TRIM7: variants seen among roughly 807,000 people sequenced by gnomAD.
TRIM7 encodes the protein E3 ubiquitin-protein ligase TRIM7.
In TRIM7, 32 loss-of-function variants were observed where a neutral mutation model predicts 37.9. That is an observed-to-expected ratio of 0.84 (90% CI 0.64 to 1.13). The LOEUF is 1.13. Ranked by LOEUF, TRIM7 falls within the 50% of genes most tolerant of loss-of-function variation. The pLI is 0.00. For missense variants in TRIM7, 732 were observed against 714.0 expected, an observed-to-expected ratio of 1.03 and a Z score of -0.29; for synonymous variants, 351 against 321.3, an observed-to-expected ratio of 1.09 and a Z score of -0.99.
At position 181,195,618 on chromosome 5, in the gene TRIM7, T is replaced by C; in HGVS notation, c.1084A>G (p.Lys362Glu). Residue 362 changes from lysine to glutamate, a missense_variant, in exon 7 of 7, where the codon AAG becomes GAG. Physicochemically the swap from Lys to Glu is moderately conservative, Grantham distance 56. Coordinates refer to ENST00000274773, the MANE Select transcript of TRIM7 (RefSeq NM_203293.3). Reference protein sequence around the residue: ...NPRLILSLDLKGVRLGERAQD... With the variant: ...NPRLILSLDLEGVRLGERAQD... ...GCCCGCTCGCCGAGGCGCACGCCCT[T>C]AAGATCCAGAGAGAGGATGAGGCGC... 6.4e-7 allele frequency: 1 copy of C among 1,569,434 alleles called. No individual in the cohort carries two copies. The highest frequency in any genetic ancestry group is 8.7e-7 in the Non-Finnish European group (1 of 1,154,336).
chr5:181,203,963 A>T, intron 1 of TRIM7: 1 of 1,104,174 alleles, frequency 9.1e-7, no homozygotes, highest in African/African-American at 1.6e-5. Flanking sequence ...TGGGCCAGCA[A>T]GGAGAGACTG....
At chr5:181,201,164 T>A (rs1757461802) in intron 2 of TRIM7, 1 of 154,024 alleles carries the variant, frequency 6.5e-6, no homozygotes. Context: ...GTTGACATTT[T>A]GGGCCAGATA....
Position 181,194,163 on chromosome 5 carries a change from C to G in TRIM7, c.*1003G>C, listed in dbSNP as rs575640471. On this transcript the variant is annotated 3_prime_UTR_variant, in exon 7 of 7. Transcript: ENST00000274773. ...TGAGTCCGTCAGGAGCATATTTGTG[C>G]TCTGTGTGTTGTTTAGAGCTGGCTG... 1 of 152,384 alleles carries G rather than the reference C, an allele frequency of 6.6e-6. No homozygotes were observed. The highest frequency in any genetic ancestry group is 6.5e-5 in the Admixed American group (1 of 15,304). The allele number at this position is 152,384 out of a possible 1,614,324, so 9.4% of individuals were successfully genotyped here.
At position 181,195,408 on chromosome 5, in the gene TRIM7, C is replaced by T; in HGVS notation, c.1294G>A (p.Val432Ile). The T allele has an allele frequency of 6.3e-7, 1 of 1,593,254 alleles. No homozygotes were observed. The highest frequency in any genetic ancestry group is 8.5e-7 in the Non-Finnish European group (1 of 1,169,984). The change falls in exon 7 of 7, where the codon GTC becomes ATC. Residue 432 changes from valine (V) to isoleucine (I), a missense_variant. Val to Ile is a conservative substitution (Grantham distance 29). Transcript: ENST00000274773. ...CCGCCGTTGAGCTGCAGGGCCCAGA[C>T]GCCCTCCTCGGGAGTGAAGGGCGTC... ...GLTPFTPEEG[V>I]WALQLNGGQY...
chr5:181,200,901 C>G, intron 2 of TRIM7: 1 of 985,560 alleles, frequency 1.0e-6, no homozygotes, highest in Non-Finnish European at 1.2e-6. Context: ...AATGCCCCCA[C>G]CTTTCCTTCA....
rs1561644254 is a variant in TRIM7, at chr5:181,195,432, T to G, written c.1270A>C (p.Thr424Pro). 6 of 1,605,962 alleles carry G rather than the reference T, an allele frequency of 3.7e-6. No individual in the cohort carries two copies. Among genetic ancestry groups the G allele is most frequent in the Non-Finnish European group, 5.1e-6 (6 of 1,176,704 alleles). The change falls in exon 7 of 7, where the codon ACG becomes CCG. Residue 424 changes from threonine to proline, a missense_variant. Coordinates refer to ENST00000274773, the MANE Select transcript of TRIM7 (RefSeq NM_203293.3). Reference protein sequence around the residue: ...ARESVRRKGLTPFTPEEGVWA... With the variant: ...ARESVRRKGLPPFTPEEGVWA... The stretch of plus-strand genomic sequence containing the variant: ...ACGCCCTCCTCGGGAGTGAAGGGCG[T>G]CAGGCCCTTTCGGCGCACGCTCTCG...
At chr5:181,197,037 G>C (rs530501968) in intron 6 of TRIM7, 2 of 151,912 alleles carry the variant, frequency 1.3e-5, no homozygotes, top group African/African-American at 4.8e-5. Context: ...GTGTGCTCCT[G>C]TAGTCCCAGC....
At chr5:181,198,907 A>G (rs983248835) in intron 4 of TRIM7, 102 bp from the exon 5 acceptor site, 42 of 1,191,960 alleles carry the variant, frequency 3.5e-5, no homozygotes, top group Admixed American at 1.6e-4. Flanking sequence ...AGAGGTAGAA[A>G]AGGGAGAGCC....
rs1431743925 is a variant in TRIM7 at position 181,204,925 on chromosome 5, C to T, written c.186G>A (p.Ala62=). Residue 62 remains alanine, a synonymous_variant, in exon 1 of 7, where the codon GCG becomes GCA. Transcript: ENST00000274773. ...CGCGGGTGGCGGCCCCAACAGACCC[C>T]GCGCCCGGGCGCTCCCAGCAGCGCC... ...CIGRCWERPG[A]GSVGAATRAP... is the part of the protein sequence containing the mutation. 1.4e-6 allele frequency: 2 copies of T among 1,403,778 alleles called. No homozygotes were observed. The highest frequency in any genetic ancestry group is 9.2e-7 in the Non-Finnish European group (1 of 1,089,610). The allele number at this position is 1,403,778 out of a possible 1,614,324, so 87.0% of individuals were successfully genotyped here. A position where few individuals can be genotyped will look rare whatever the true frequency, so the allele number is the denominator to read the frequency against.
chr5:181,195,774 C>T, intron 6 of TRIM7, 97 bp from the exon 7 acceptor site: 5 of 1,453,470 alleles, frequency 3.4e-6, no homozygotes, highest in Non-Finnish European at 4.6e-6. Flanking sequence ...ACCTGCCTGC[C>T]TTTCCCTCTA....
intron 2 of TRIM7, chr5:181,203,132 G>A: frequency 2.2e-6 from 1 of 446,796 alleles, no homozygotes; most frequent in Non-Finnish European, 3.0e-6. Flanking sequence ...TTTCACTACT[G>A]TTTTGTTGAC....
intron 6 of TRIM7, chr5:181,197,165 G>T (rs1255823918): frequency 1.3e-5 from 2 of 149,574 alleles, no homozygotes; most frequent in African/African-American, 2.5e-5. Context: ...AAAAAAAAAA[G>T]TTAAAATATG....
Position 181,195,677 on chromosome 5 carries a change from A to C in TRIM7, c.1025T>G (p.Val342Gly). 1 of 1,518,508 alleles carries C rather than the reference A, an allele frequency of 6.6e-7. No individual in the cohort carries two copies. Among genetic ancestry groups the C allele is most frequent in the Non-Finnish European group, 8.8e-7 (1 of 1,130,930 alleles). The allele number at this position is 1,518,508 out of a possible 1,614,324, so 94.1% of individuals were successfully genotyped here. A position where few individuals can be genotyped will look rare whatever the true frequency, so the allele number is the denominator to read the frequency against. ...CGTGTCGGGATCCAAGGTGAGCTCCACTGCAGACAGAGACAGGGAGAAATG... is the reference window on the plus strand; with the variant it reads ...CGTGTCGGGATCCAAGGTGAGCTCCCCTGCAGACAGAGACAGGGAGAAATG... Reference protein sequence around the residue: ...LRGELEKEEKVELTLDPDTAN... With the variant: ...LRGELEKEEKGELTLDPDTAN... Residue 342 changes from valine to glycine, a missense_variant and splice_region_variant, in exon 7 of 7, where the codon GTG becomes GGG. By Grantham distance (109) the Val-to-Gly change is moderately radical. Transcript: ENST00000274773.
At chr5:181,198,851 T>G in intron 4 of TRIM7, 46 bp from the exon 5 acceptor site, 1 of 1,458,866 alleles carries the variant, frequency 6.9e-7, no homozygotes. Flanking sequence ...ACCATTTTGC[T>G]CCCACAGGCT....
At chr5:181,199,194 T>C in intron 3 of TRIM7, 77 bp from the exon 4 acceptor site, 1 of 1,556,166 alleles carries the variant, frequency 6.4e-7, no homozygotes, top group Admixed American at 1.7e-5. Flanking sequence ...GCTTGCCCCT[T>C]GCTGTGCCTC....
intron 6 of TRIM7, chr5:181,197,524 G>A (rs1171229192): frequency 6.5e-6 from 1 of 153,068 alleles, no homozygotes; most frequent in Admixed American, 6.5e-5. Flanking sequence ...ACAGCAGGGA[G>A]GATGTGTAGC....
Position 181,205,186 on chromosome 5 carries a change from G to A in TRIM7, c.-76C>T. Reference sequence around the variant, plus strand: ...CTCACAGGACGCGGAGCTGGGCGCCGAGGGCCCACTGGGAGAGGAAGGGCG... The same window carrying A: ...CTCACAGGACGCGGAGCTGGGCGCCAAGGGCCCACTGGGAGAGGAAGGGCG... On this transcript the variant is annotated 5_prime_UTR_variant, in exon 1 of 7. Coordinates refer to ENST00000274773, the MANE Select transcript of TRIM7 (RefSeq NM_203293.3). The A allele has an allele frequency of 8.0e-7, 1 of 1,251,986 alleles. No individual in the cohort carries two copies. Among genetic ancestry groups the A allele is most frequent in the Non-Finnish European group, 1.0e-6 (1 of 991,438 alleles). The allele number at this position is 1,251,986 out of a possible 1,614,324, so 77.6% of individuals were successfully genotyped here.
At chr5:181,198,559 T>C in intron 5 of TRIM7, 131 bp downstream of exon 5, 2 of 719,166 alleles carry the variant, frequency 2.8e-6, no homozygotes, top group Admixed American at 5.1e-5. Context: ...CCTACACCAA[T>C]CTGGCCATGG....
rs1266080978 is a variant in TRIM7 at position 181,198,794 on chromosome 5, A to G, written c.884T>C (p.Val295Ala). ...GACTGTGGTTGGCTTGGGGCCAGGC[A>G]CATTGCTACACCTGCAGGACAAGGG... Reference protein sequence around the residue: ...FKSTLSRCSNVPGPKPTTVSS... With the variant: ...FKSTLSRCSNAPGPKPTTVSS... The change falls in exon 5 of 7, where the codon GTG (valine) becomes GCG (alanine). Residue 295 changes from valine to alanine, a missense_variant. Transcript: ENST00000274773. 6.2e-7 allele frequency: 1 copy of G among 1,612,718 alleles called. No individual in the cohort carries two copies. The highest frequency in any genetic ancestry group is 1.3e-5 in the African/African-American group (1 of 74,864).
Sources: gnomAD v4.1 joint callset for allele counts on GRCh38, gnomAD v4.1.1 for gene constraint, MANE v1.5 for transcripts, NCBI Gene and HGNC (gene_info 2026-07-23, HGNC 2026-07-21) for gene names.